Variants in AMY2B observed in about 807,000 individuals in gnomAD.
The protein encoded by AMY2B is amylase alpha 2B, also known as alpha-amylase 2B.
In AMY2B, 63 loss-of-function variants were observed where a neutral mutation model predicts 59.3. That is an observed-to-expected ratio of 1.06 (90% CI 0.87 to 1.31). AMY2B has a LOEUF of 1.31. Among genes scored for constraint, AMY2B ranks in the 50% most tolerant of loss-of-function variants. The probability of loss-of-function intolerance (pLI) is 0.00; values close to 1 mark genes in which losing one functional copy is unlikely to be tolerated. For synonymous variants in AMY2B, 180 were observed against 198.1 expected (o/e 0.91, Z 0.77); for missense variants, 635 against 626.7 (o/e 1.01, Z -0.14).
At position 103,574,595 on chromosome 1, in the gene AMY2B, C is replaced by T. The variant is rs188966434; in HGVS notation, c.878+202C>T. ...TATCACAAGTGAGTATGCCTAGGAA[C>T]GCTAAACATATCCTAGGAGTTTCCG... On this transcript the variant is annotated intron_variant, in intron 5 of 9. Transcript: ENST00000684275. Among the ~76,000 whole-genome samples, 415 of 152,114 alleles carry T rather than the reference C, an allele frequency of 2.7e-3. 1 individual carries two copies. Among genetic ancestry groups the T allele is most frequent in the Middle Eastern group, 6.8e-3 (2 of 294 alleles).
upstream of AMY2B, chr1:103,571,097 C>G (rs1652112608): frequency 1.1e-6 from 1 of 935,534 alleles, no homozygotes; most frequent in African/African-American, 1.8e-5. Flanking sequence ...TGTTTCTGTC[C>G]TGTCGGTCTG....
chr1:103,575,789 AC>A (rs1311403310), intron 7 of AMY2B: 259 of 463,328 alleles, frequency 5.6e-4, no homozygotes, highest in Middle Eastern at 1.2e-3. Flanking sequence ...AAAAAAAAAA[AC>A]CACTTAAAAA....
chr1:103,573,782 A>G lies in AMY2B; in HGVS notation c.588A>G (p.Glu196=), dbSNP rs1222680096. The G allele has an allele frequency of 1.9e-6, 3 of 1,613,858 alleles. No individual in the cohort carries two copies. The highest frequency in any genetic ancestry group is 2.2e-5 in the South Asian group (2 of 91,082). Residue 196 remains glutamate (E), a synonymous_variant, in exon 4 of 10, where the codon GAA becomes GAG. Coordinates refer to ENST00000684275, the MANE Select transcript of AMY2B (RefSeq NM_001387437.1). ...ATTATGTGCGTTCCAAGATTGCCGA[A>G]TATATGAATCATCTCATTGACATTG... The part of the protein sequence containing the change: ...EKDYVRSKIA[E]YMNHLIDIGV...
At position 103,573,875 on chromosome 1, in the gene AMY2B, C is replaced by A. The variant is rs1411571871; in HGVS notation, c.681C>A (p.Asp227Glu). The A allele has an allele frequency of 2.5e-6, 4 of 1,613,664 alleles. No homozygotes were observed. The Admixed American group carries it at 5.0e-5, about 20-fold the overall frequency. The change falls in exon 4 of 10, where the codon GAC becomes GAA. Residue 227 changes from aspartate (D) to glutamate (E), a missense_variant. Transcript: ENST00000684275. ...CTGGAGACATAAAGGCAATTTTGGA[C>A]AAACTGCATAATCTAAACAGTAACT... Reference protein sequence around the residue: ...MWPGDIKAILDKLHNLNSNWF... With the variant: ...MWPGDIKAILEKLHNLNSNWF...
At chr1:103,569,714 G>A (rs774631908), upstream of AMY2B, 9 of 400,334 alleles carry the variant, frequency 2.2e-5, no homozygotes, top group East Asian at 4.7e-4. Flanking sequence ...TCCTATGTGG[G>A]CTACATGGCT....
chr1:103,567,775 G>T (rs546102864), upstream of AMY2B, among the ~76,000 whole-genome samples: 12 of 152,230 alleles, frequency 7.9e-5, no homozygotes, highest in South Asian at 2.5e-3. Context: ...CTACCTCTCT[G>T]ATCTCATCTC....
intron 7 of AMY2B, chr1:103,575,806 G>C: frequency 2.5e-6 from 1 of 406,708 alleles, no homozygotes; most frequent in Non-Finnish European, 4.2e-6. Context: ...AAAAATAAGA[G>C]CTAGGCACAG....
At chr1:103,574,079 A>G in intron 4 of AMY2B, 141 bp downstream of exon 4, 2 of 1,511,076 alleles carry the variant, frequency 1.3e-6, no homozygotes, top group African/African-American at 1.4e-5. Flanking sequence ...CTCTTCACAT[A>G]CAGCATATCT....
exon 1 of AMY2B, chr1:103,554,951 T>C (rs1434190653): frequency 2.0e-5 from 3 of 152,174 alleles, no homozygotes; most frequent in Non-Finnish European, 4.4e-5. Flanking sequence ...TTTCTAAATA[T>C]AAATGGTTCA....
chr1:103,572,543 G>A (rs1166795670), intron 2 of AMY2B, among the ~76,000 whole-genome samples: 2 of 152,060 alleles, frequency 1.3e-5, no homozygotes, highest in African/African-American at 4.8e-5. Context: ...GAGTTTTCTG[G>A]TTAAGAGTTA....
chr1:103,578,522 C>T (rs1225180080), intron 9 of AMY2B, among the ~76,000 whole-genome samples: 1 of 152,040 alleles, frequency 6.6e-6, no homozygotes, highest in Non-Finnish European at 1.5e-5. Context: ...TGTCTCTGTC[C>T]AAAGCCAACT....
chr1:103,569,003 T>G (rs1316552569), upstream of AMY2B: 1 of 152,122 alleles, frequency 6.6e-6, no homozygotes, highest in Non-Finnish European at 1.5e-5. Flanking sequence ...AAACCCATCC[T>G]TCTTCACTTG....
rs984694934 is a variant in AMY2B at position 103,575,286 on chromosome 1, T to C, written c.942T>C (p.His314=). ...GAGCACTTGTCTTTGTGGATAACCATGACAATCAACGAGGACATGGGGCTG... is the reference window on the plus strand; with the variant it reads ...GAGCACTTGTCTTTGTGGATAACCACGACAATCAACGAGGACATGGGGCTG... ...SDRALVFVDN[H]DNQRGHGAGG... is the part of the protein sequence containing the mutation. Residue 314 remains histidine (H), a synonymous_variant, in exon 6 of 10, where the codon CAT becomes CAC. Transcript: ENST00000684275. The C allele has an allele frequency of 6.2e-7, 1 of 1,613,538 alleles. No individual in the cohort carries two copies. Among genetic ancestry groups the C allele is most frequent in the African/African-American group, 1.3e-5 (1 of 74,880 alleles).
At chr1:103,570,389 C>A, upstream of AMY2B, 1 of 868,944 alleles carries the variant, frequency 1.2e-6, no homozygotes, top group Non-Finnish European at 1.9e-6. Flanking sequence ...CCATCTTCAA[C>A]TCCATCATGA....
At chr1:103,557,107 G>GT (rs1557764205) in intron 1 of AMY2B, among the ~76,000 whole-genome samples, 1 of 151,912 alleles carries the variant, frequency 6.6e-6, no homozygotes, top group East Asian at 1.9e-4. Flanking sequence ...TATATAGAGC[G>GT]TCCATTTAAA....
chr1:103,572,312 C>T, intron 2 of AMY2B, 56 bp downstream of exon 2: 1 of 1,587,240 alleles, frequency 6.3e-7, no homozygotes. Flanking sequence ...ATTTCTCTCT[C>T]TTCTTTCTTG....
upstream of AMY2B, chr1:103,569,624 C>T (rs887465141): frequency 1.3e-5 from 5 of 395,964 alleles, no homozygotes; most frequent in African/African-American, 4.2e-5. Context: ...TTGCTGGGGA[C>T]GACAACCCCC....
At chr1:103,570,216 CT>C, upstream of AMY2B, 1 of 513,286 alleles carries the variant, frequency 1.9e-6, no homozygotes. Context: ...TTGCCCTGGA[CT>C]TTGAGCAGTA....
At chr1:103,577,047 C>T (rs1299845810) in intron 7 of AMY2B, among the ~76,000 whole-genome samples, 1 of 152,160 alleles carries the variant, frequency 6.6e-6, no homozygotes. Flanking sequence ...CCTATCTGGG[C>T]AAGCTAGCAA....
Sources: gnomAD v4.1 joint callset for allele counts (sites outside exome capture counted in the v4.1 genomes callset) on GRCh38, gnomAD v4.1.1 for gene constraint, MANE v1.5 for transcripts, NCBI Gene and HGNC (gene_info 2026-07-23, HGNC 2026-07-21) for gene names.